MRGPRE: variants seen among roughly 807,000 people sequenced by gnomAD.
MRGPRE encodes MAS related GPR family member E, also known as mas-related G protein-coupled receptor member E.
For synonymous variants in MRGPRE, 229 were observed against 206.7 expected (o/e 1.11, Z -0.92); for missense variants, 466 against 433.4 (o/e 1.08, Z -0.67).
rs1282320524 is a variant in MRGPRE, at chr11:3,228,764, C to T, written c.36G>A (p.Gly12=). 1 of 1,611,632 alleles carries T rather than the reference C, an allele frequency of 6.2e-7. No homozygotes were observed. The highest frequency in any genetic ancestry group is 1.1e-5 in the South Asian group (1 of 90,928). The change falls in exon 2 of 2, where the codon GGG becomes GGA. Residue 12 remains glycine (G), a synonymous_variant. Coordinates refer to ENST00000389832, the MANE Select transcript of MRGPRE (RefSeq NM_001039165.4). The stretch of plus-strand genomic sequence containing the variant: ...CATCCTCCTGGGCGCCGTTGGCGGC[C>T]CCCACGTGCTGTCCAGCTTCTCTGG... ...MEPREAGQHV[G]AANGAQEDVA...
At position 3,230,739 on chromosome 11, in the gene MRGPRE, C is replaced by T. The variant is rs1302630125; in HGVS notation, c.-62+1402G>A. On this transcript the variant is annotated intron_variant, in intron 1 of 1. Transcript: ENST00000389832. The surrounding 1 kb of genome is among the most constrained non-coding windows in gnomAD (Gnocchi z 5.5). The stretch of plus-strand genomic sequence containing the variant: ...TGAATCTCCTGCGGGTGGAGTCAAG[C>T]CTGGTTGGAGATATAGGGCTCTTCC... Among the ~76,000 whole-genome samples, 3 of 152,048 alleles carry T rather than the reference C, an allele frequency of 2.0e-5. No individual in the cohort carries two copies. Among genetic ancestry groups the T allele is most frequent in the Non-Finnish European group, 4.4e-5 (3 of 67,992 alleles).
chr11:3,229,469 C>T lies in MRGPRE; in HGVS notation c.-61-609G>A, dbSNP rs1037979579. On this transcript the variant is annotated intron_variant, in intron 1 of 1. Transcript: ENST00000389832. This position sits in a 1 kb window ranked among gnomAD's most constrained non-coding sequence, Gnocchi z 4.4. ...CTCGAACTCCTGACCTCGTGATCCGCCTGCCTTGGACTCCCAAAGAATAAA... is the reference window on the plus strand; with the variant it reads ...CTCGAACTCCTGACCTCGTGATCCGTCTGCCTTGGACTCCCAAAGAATAAA... 5.3e-5 allele frequency among the ~76,000 whole-genome samples: 8 copies of T among 152,124 alleles called. No individual in the cohort carries two copies. The highest frequency in any genetic ancestry group is 1.3e-4 in the Admixed American group (2 of 15,276).
Position 3,226,604 on chromosome 11 carries a change from C to G in MRGPRE, c.*1257G>C, listed in dbSNP as rs1435208531. 6.6e-6 allele frequency among the ~76,000 whole-genome samples: 1 copy of G among 152,186 alleles called. No individual in the cohort carries two copies. The highest frequency in any genetic ancestry group is 1.5e-5 in the Non-Finnish European group (1 of 68,030). ...GGGATCTGCGACTCACACCCAGACT[C>G]AAGAGGGGCTGGTTCAGTCATGGTC... On this transcript the variant is annotated 3_prime_UTR_variant, in exon 2 of 2. Coordinates refer to ENST00000389832, the MANE Select transcript of MRGPRE (RefSeq NM_001039165.4).
rs775340271 is a variant in MRGPRE, at chr11:3,231,507, A to G, written c.-62+634T>C. On this transcript the variant is annotated intron_variant, in intron 1 of 1. Coordinates refer to ENST00000389832, the MANE Select transcript of MRGPRE (RefSeq NM_001039165.4). The surrounding 1 kb of genome is among the most constrained non-coding windows in gnomAD (Gnocchi z 4.7). Reference sequence around the variant, plus strand: ...ACAGTTGGGTTACAGGACTGTGGGGAGTAGAGGAGTTTGTTGCATCCTTGG... The same window carrying G: ...ACAGTTGGGTTACAGGACTGTGGGGGGTAGAGGAGTTTGTTGCATCCTTGG... Among the ~76,000 whole-genome samples, 7 of 147,038 alleles carry G rather than the reference A, an allele frequency of 4.8e-5. No individual in the cohort carries two copies. The highest frequency in any genetic ancestry group is 7.5e-5 in the Non-Finnish European group (5 of 66,704).
In MRGPRE at chr11:3,225,873, G is replaced by A. The variant is rs1329394492; in HGVS notation, c.*1988C>T. ...CCAATCCCCTGGATGCTGAGAGCAG[G>A]CTCTCTGGGAAGAAGTGAGCATTCT... On this transcript the variant is annotated 3_prime_UTR_variant, in exon 2 of 2. Transcript: ENST00000389832. Among the ~76,000 whole-genome samples, 1 of 152,216 alleles carries A rather than the reference G, an allele frequency of 6.6e-6. No homozygotes were observed. The highest frequency in any genetic ancestry group is 1.5e-5 in the Non-Finnish European group (1 of 68,040).
Position 3,227,161 on chromosome 11 carries a change from G to A in MRGPRE, c.*700C>T, listed in dbSNP as rs1430987995. Among the ~76,000 whole-genome samples, 4 of 152,164 alleles carry A rather than the reference G, an allele frequency of 2.6e-5. No individual in the cohort carries two copies. Among genetic ancestry groups the A allele is most frequent in the Admixed American group, 6.5e-5 (1 of 15,280 alleles). On this transcript the variant is annotated 3_prime_UTR_variant, in exon 2 of 2. Transcript: ENST00000389832. ...GGGAGACAGGGCTGCAGGCTGCTGG[G>A]TGGGGCTGTAAGAAGCCTCTCCACC...
rs1378194817 is a variant in MRGPRE at position 3,227,179 on chromosome 11, T to C, written c.*682A>G. Among the ~76,000 whole-genome samples, 5 of 151,872 alleles carry C rather than the reference T, an allele frequency of 3.3e-5. 1 individual carries two copies. Among genetic ancestry groups the C allele is most frequent in the African/African-American group, 1.2e-4 (5 of 41,320 alleles). ...CTGCTGGGTGGGGCTGTAAGAAGCC[T>C]CTCCACCCACCCAGGGTGCACCCTC... On this transcript the variant is annotated 3_prime_UTR_variant, in exon 2 of 2. Coordinates refer to ENST00000389832, the MANE Select transcript of MRGPRE (RefSeq NM_001039165.4).
rs1200401459 is a variant in MRGPRE at position 3,225,898 on chromosome 11, T to C, written c.*1963A>G. On this transcript the variant is annotated 3_prime_UTR_variant, in exon 2 of 2. Transcript: ENST00000389832. Reference sequence around the variant, plus strand: ...GCTCTCTGGGAAGAAGTGAGCATTCTAAGGGTCCGCAATCTCTCTGAACCC... The same window carrying C: ...GCTCTCTGGGAAGAAGTGAGCATTCCAAGGGTCCGCAATCTCTCTGAACCC... Among the ~76,000 whole-genome samples, 1 of 152,178 alleles carries C rather than the reference T, an allele frequency of 6.6e-6. No individual in the cohort carries two copies. The highest frequency in any genetic ancestry group is 1.5e-5 in the Non-Finnish European group (1 of 68,018).
Position 3,228,517 on chromosome 11 carries a change from C to T in MRGPRE, c.283G>A (p.Val95Met), listed in dbSNP as rs529843091. 1.1e-5 allele frequency: 18 copies of T among 1,613,750 alleles called. No homozygotes were observed. The highest frequency in any genetic ancestry group is 6.6e-5 in the South Asian group (6 of 91,082). ...LQGRLDFPGFVQTSLATLRFF... is the reference protein window; with the variant it reads ...LQGRLDFPGFMQTSLATLRFF... The stretch of plus-strand genomic sequence containing the variant: ...CGCAGCGTTGCCAGGCTGGTCTGCA[C>T]GAAGCCCGGGAAGTCCAGCCGGCCT... Residue 95 changes from valine (V) to methionine (M), a missense_variant, in exon 2 of 2, where the codon GTG (valine) becomes ATG (methionine). Transcript: ENST00000389832.
Position 3,226,698 on chromosome 11 carries a change from T to C in MRGPRE, c.*1163A>G, listed in dbSNP as rs1847765075. On this transcript the variant is annotated 3_prime_UTR_variant, in exon 2 of 2. Transcript: ENST00000389832. ...AGAAATCAAAGAAAACACTCTCAGATGCCTTGGTCTGTGGCTAAGAATTGC... is the reference window on the plus strand; with the variant it reads ...AGAAATCAAAGAAAACACTCTCAGACGCCTTGGTCTGTGGCTAAGAATTGC... 6.6e-6 allele frequency among the ~76,000 whole-genome samples: 1 copy of C among 152,230 alleles called. No individual in the cohort carries two copies. Among genetic ancestry groups the C allele is most frequent in the African/African-American group, 2.4e-5 (1 of 41,472 alleles).
In MRGPRE at chr11:3,227,791, A is replaced by G. The variant is rs1291566730; in HGVS notation, c.*70T>C. 4 of 1,292,612 alleles carry G rather than the reference A, an allele frequency of 3.1e-6. No homozygotes were observed. The Admixed American group carries it at 1.2e-4, about 38-fold the overall frequency. 80.1% of individuals were successfully genotyped at this position (1,292,612 alleles called of 1,614,324 possible). On this transcript the variant is annotated 3_prime_UTR_variant, in exon 2 of 2. Transcript: ENST00000389832. Reference sequence around the variant, plus strand: ...CAGGTCCGGCTGGCCCCAGCCTCTGACCCCACCACCTTCCCCAAGTCACCC... The same window carrying G: ...CAGGTCCGGCTGGCCCCAGCCTCTGGCCCCACCACCTTCCCCAAGTCACCC...
Position 3,226,227 on chromosome 11 carries a change from TCTTC to T in MRGPRE, c.*1630_*1633del, listed in dbSNP as rs1376778879. On this transcript the variant is annotated 3_prime_UTR_variant, in exon 2 of 2. Transcript: ENST00000389832. ...ATGAATCTGTGCTTTTCCTCCTGGT[TCTTC>T]CTTGTTCTGGGGGAAGTTTATGTCC... 2 of 152,310 alleles carry T rather than the reference TCTTC, an allele frequency of 1.3e-5. No homozygotes were observed. Among genetic ancestry groups the T allele is most frequent in the Non-Finnish European group, 2.9e-5 (2 of 68,092 alleles). 9.4% of individuals were successfully genotyped at this position (152,310 alleles called of 1,614,324 possible).
At position 3,229,036 on chromosome 11, in the gene MRGPRE, C is replaced by T. The variant is rs1295679571; in HGVS notation, c.-61-176G>A. On this transcript the variant is annotated intron_variant, in intron 1 of 1. Coordinates refer to ENST00000389832, the MANE Select transcript of MRGPRE (RefSeq NM_001039165.4). This position sits in a 1 kb window ranked among gnomAD's most constrained non-coding sequence, Gnocchi z 4.4. ...TGACCTAAGCTTCTCTTCCCTAAGACACTCAGGAGGAAGGTGTCCCCATTC... is the reference window on the plus strand; with the variant it reads ...TGACCTAAGCTTCTCTTCCCTAAGATACTCAGGAGGAAGGTGTCCCCATTC... Among the ~76,000 whole-genome samples, 1 of 152,110 alleles carries T rather than the reference C, an allele frequency of 6.6e-6. No individual in the cohort carries two copies. The highest frequency in any genetic ancestry group is 2.4e-5 in the African/African-American group (1 of 41,398).
Position 3,225,770 on chromosome 11 carries a change from T to G in MRGPRE, c.*2091A>C, listed in dbSNP as rs1847752659. Among the ~76,000 whole-genome samples, 1 of 152,292 alleles carries G rather than the reference T, an allele frequency of 6.6e-6. No homozygotes were observed. The stretch of plus-strand genomic sequence containing the variant: ...AGAGTGGGGACGAGCTGGGCCCAGT[T>G]TCCATGGAGACCTCAGATGAGGCCA... On this transcript the variant is annotated 3_prime_UTR_variant, in exon 2 of 2. Coordinates refer to ENST00000389832, the MANE Select transcript of MRGPRE (RefSeq NM_001039165.4).
chr11:3,228,676 T>C lies in MRGPRE; in HGVS notation c.124A>G (p.Asn42Asp). Residue 42 changes from asparagine to aspartate, a missense_variant, in exon 2 of 2, where the codon AAT becomes GAT. By Grantham distance (23) the Asn-to-Asp change is conservative. Transcript: ENST00000389832. ...EGLGLGGLLG[N>D]GAVLWLLSSN... ...CTGAGCAGCCAGAGGACTGCCCCAT[T>C]CCCCAGCAGCCCACCGAGGCCGAGC... The C allele has an allele frequency of 1.2e-6, 2 of 1,613,826 alleles. No individual in the cohort carries two copies. The highest frequency in any genetic ancestry group is 2.7e-5 in the African/African-American group (2 of 74,954).
rs146856033 is a variant in MRGPRE at position 3,228,456 on chromosome 11, G to T, written c.344C>A (p.Ala115Glu). The T allele has an allele frequency of 2.5e-6, 4 of 1,612,284 alleles. No homozygotes were observed. In the Admixed American group the frequency reaches 5.0e-5, roughly 20 times the overall value. Reference sequence around the variant, plus strand: ...CAGGCACTGCTCCACGCTGACGGCCGCCAGGAGACTCAGGCCCACGATGTA... The same window carrying T: ...CAGGCACTGCTCCACGCTGACGGCCTCCAGGAGACTCAGGCCCACGATGTA... Reference protein sequence around the residue: ...FCYIVGLSLLAAVSVEQCLAA... With the variant: ...FCYIVGLSLLEAVSVEQCLAA... Residue 115 changes from alanine (A) to glutamate (E), a missense_variant, in exon 2 of 2, where the codon GCG (alanine) becomes GAG (glutamate). By Grantham distance (107) the Ala-to-Glu change is moderately radical (BLOSUM62 -1). Transcript: ENST00000389832.
rs2134627130 is a variant in MRGPRE at position 3,225,184 on chromosome 11, G to A, written c.*2677C>T. 6.6e-6 allele frequency among the ~76,000 whole-genome samples: 1 copy of A among 152,354 alleles called. No individual in the cohort carries two copies. The highest frequency in any genetic ancestry group is 2.1e-4 in the South Asian group (1 of 4,834). The stretch of plus-strand genomic sequence containing the variant: ...GCGCTGGGGAGGGGATAGGGAAGCT[G>A]GCCGCAGGCCTGTCTCCGCTCCTGT... On this transcript the variant is annotated 3_prime_UTR_variant, in exon 2 of 2. Transcript: ENST00000389832.
rs940960010 is a variant in MRGPRE, at chr11:3,226,261, G to A, written c.*1600C>T. On this transcript the variant is annotated 3_prime_UTR_variant, in exon 2 of 2. Coordinates refer to ENST00000389832, the MANE Select transcript of MRGPRE (RefSeq NM_001039165.4). ...TTCTGGGGGAAGTTTATGTCCTGGGGCTGAAAGTGGAATTTGTGGACAGGC... is the reference window on the plus strand; with the variant it reads ...TTCTGGGGGAAGTTTATGTCCTGGGACTGAAAGTGGAATTTGTGGACAGGC... 4.6e-5 allele frequency: 7 copies of A among 152,288 alleles called. No homozygotes were observed. The highest frequency in any genetic ancestry group is 8.8e-5 in the Non-Finnish European group (6 of 68,074). The allele number at this position is 152,288 out of a possible 1,614,324, so 9.4% of individuals were successfully genotyped here. A position where few individuals can be genotyped will look rare whatever the true frequency, so the allele number is the denominator to read the frequency against.
In MRGPRE at chr11:3,227,493, C is replaced by T. The variant is rs11026032; in HGVS notation, c.*368G>A. 0.03 allele frequency among the ~76,000 whole-genome samples: 4,523 copies of T among 152,276 alleles called. 136 individuals are homozygous for T. Among genetic ancestry groups the T allele is most frequent in the East Asian group, 0.16 (829 of 5,166 alleles). On this transcript the variant is annotated 3_prime_UTR_variant, in exon 2 of 2. Coordinates refer to ENST00000389832, the MANE Select transcript of MRGPRE (RefSeq NM_001039165.4). ...AGGCCTGGACCTGCCCCTCACCTGG[C>T]GTCTGGCCTTGCTTCCTTGCTTTCC...
Sources: allele counts gnomAD v4.1 joint callset (sites outside exome capture counted in the v4.1 genomes callset), GRCh38; gene constraint gnomAD v4.1.1; non-coding constraint Gnocchi (gnomAD v3.1); transcripts MANE v1.5; gene names NCBI Gene and HGNC (gene_info 2026-07-23, HGNC 2026-07-21).